POLG: variants seen among roughly 807,000 people sequenced by gnomAD.
POLG encodes the protein DNA polymerase gamma, catalytic subunit.
A neutral mutation model predicts 155.4 loss-of-function variants in POLG; 110 were observed. That is an observed-to-expected ratio of 0.71 (90% confidence interval 0.61 to 0.83). The LOEUF (loss-of-function observed/expected upper bound fraction) is 0.83. Among genes scored for constraint, POLG ranks in the 40% least tolerant of loss-of-function variants. The pLI is 0.00. For synonymous variants in POLG, 701 were observed against 631.5 expected, an observed-to-expected ratio of 1.11 and a Z score of -1.65; for missense variants, 1,685 against 1,627.5, an observed-to-expected ratio of 1.04 and a Z score of -0.61.
rs866223659 is a variant in POLG, at chr15:89,325,271, T to A, written c.1949+179A>T. On this transcript the variant is annotated intron_variant, in intron 10 of 22. Coordinates refer to ENST00000268124, the MANE Select transcript of POLG (RefSeq NM_002693.3). ...GTGAGAGAGAGAGTGAGTGAGTGAGTGAGAGAGAGAGAAAGAGAGAGAGAG... is the reference window on the plus strand; with the variant it reads ...GTGAGAGAGAGAGTGAGTGAGTGAGAGAGAGAGAGAGAAAGAGAGAGAGAG... Among the ~76,000 whole-genome samples the A allele has an allele frequency of 7.1e-4, 66 of 92,748 alleles. 13 individuals are homozygous for A. The highest frequency in any genetic ancestry group is 2.7e-3 in the Admixed American group (28 of 10,526). The allele number at this position is 92,748 out of a possible 152,430, so 60.8% of individuals were successfully genotyped here.
At chr15:89,332,880 A>T (rs2055612742) in intron 2 of POLG, among the ~76,000 whole-genome samples, 1 of 152,172 alleles carries the variant, frequency 6.6e-6, no homozygotes, top group Admixed American at 6.5e-5. Flanking sequence ...CGTGGCCTTT[A>T]CTGCCTGACA....
intron 10 of POLG, among the ~76,000 whole-genome samples, chr15:89,325,037 A>AGAGTGAGTGAGTGAGAGAGT (rs2055452833): frequency 2.8e-5 from 2 of 70,792 alleles, no homozygotes; most frequent in African/African-American, 1.1e-4. Context: ...CTGAACCCAG[A>AGAGTGAGTGAGTGAGAGAGT]GAGTGAGTGA....
chr15:89,329,659 C>G (rs1391198748), intron 3 of POLG, among the ~76,000 whole-genome samples: 4 of 152,192 alleles, frequency 2.6e-5, no homozygotes, highest in African/African-American at 9.6e-5. Context: ...GTTTGACATG[C>G]AGGCATTGTT....
intron 13 of POLG, among the ~76,000 whole-genome samples, chr15:89,323,181 G>A (rs533351532): frequency 1.8e-4 from 27 of 152,306 alleles, no homozygotes; most frequent in African/African-American, 5.1e-4. Flanking sequence ...AACATACGAC[G>A]TGCCCCATGT....
intron 21 of POLG, chr15:89,318,093 ATT>A (rs1223902346): frequency 5.1e-6 from 1 of 197,466 alleles, no homozygotes; most frequent in Non-Finnish European, 1.0e-5. Flanking sequence ...TAAAAATCAC[ATT>A]TGAGTGTCCC....
In POLG at chr15:89,318,596, C is replaced by G. The variant is rs765123635; in HGVS notation, c.3427G>C (p.Glu1143Gln). 35 of 1,614,008 alleles carry G rather than the reference C, an allele frequency of 2.2e-5. No homozygotes were observed. The highest frequency in any genetic ancestry group is 3.4e-6 in the Non-Finnish European group (4 of 1,180,018). Residue 1143 changes from glutamate to glutamine, a missense_variant, in exon 21 of 23, where the codon GAG becomes CAG. Glu to Gln is a conservative substitution (Grantham distance 29). Around this residue, in one of 3 missense-constraint regions of POLG, gnomAD observed 470 missense variants for 439.9 expected, o/e 1.07. Transcript: ENST00000268124. ...IHDEVRYLVR[E>Q]EDRYRAALAL... The stretch of plus-strand genomic sequence containing the variant: ...AGGGCAGCGCGGTAGCGGTCCTCCT[C>G]CCGCACCAGGTAGCGAACCTCGTCA...
intron 15 of POLG, 41 bp downstream of exon 15, chr15:89,321,921 C>T: frequency 6.2e-7 from 1 of 1,610,578 alleles, no homozygotes; most frequent in East Asian, 2.2e-5. Context: ...TACCACCTCA[C>T]CTCAGTTCTC....
intron 16 of POLG, 93 bp from the exon 17 acceptor site, chr15:89,321,353 G>T: frequency 6.9e-7 from 1 of 1,452,726 alleles, no homozygotes; most frequent in Non-Finnish European, 9.5e-7. Context: ...TTTCCTGAGG[G>T]GATGGCTTTA....
intron 10 of POLG, among the ~76,000 whole-genome samples, chr15:89,325,041 T>TG (rs1555453263): frequency 1.9e-5 from 1 of 51,960 alleles, no homozygotes; most frequent in Non-Finnish European, 4.1e-5. Context: ...ACCCAGAGAG[T>TG]GAGTGAGTGA....
At position 89,317,011 on chromosome 15, in the gene POLG, A is replaced by G. The variant is rs115758754; in HGVS notation, c.3644-184T>C. ...CTTTTTATATAAGTGTGTCTTAGAT[A>G]TATTTTAAATAGAAAATAAGCTTTC... On this transcript the variant is annotated intron_variant, in intron 22 of 22. Transcript: ENST00000268124. The G allele has an allele frequency of 5.0e-4, 306 of 616,676 alleles. No individual in the cohort carries two copies. In the African/African-American group the frequency reaches 5.1e-3, roughly 10 times the overall value. The allele number at this position is 616,676 out of a possible 1,614,324, so 38.2% of individuals were successfully genotyped here. A position where few individuals can be genotyped will look rare whatever the true frequency, so the allele number is the denominator to read the frequency against.
intron 22 of POLG, 56 bp downstream of exon 22, chr15:89,317,320 C>G: frequency 1.9e-6 from 3 of 1,577,266 alleles, no homozygotes; most frequent in Non-Finnish European, 1.7e-6. Context: ...CCAAGACCCA[C>G]TTTCTAGTCC....
intron 18 of POLG, among the ~76,000 whole-genome samples, chr15:89,320,448 T>G (rs572965703): frequency 2.0e-5 from 3 of 152,348 alleles, no homozygotes; most frequent in East Asian, 3.9e-4. Context: ...TCATTCCCTG[T>G]AGGCATCTGA....
chr15:89,329,806 C>G (rs574003280), intron 3 of POLG, among the ~76,000 whole-genome samples: 5 of 152,228 alleles, frequency 3.3e-5, no homozygotes, highest in East Asian at 3.9e-4. Flanking sequence ...GGCTGTGGCT[C>G]AAAACCTTCA....
intron 2 of POLG, 61 bp from the exon 3 acceptor site, chr15:89,330,337 A>C (rs2055578152): frequency 3.9e-6 from 5 of 1,282,310 alleles, no homozygotes; most frequent in Non-Finnish European, 5.5e-6. Flanking sequence ...ACTCCACAAC[A>C]ACCACTGCAC....
At chr15:89,334,429 G>C (rs1351975886) in intron 1 of POLG, 2 of 151,820 alleles carry the variant, frequency 1.3e-5, no homozygotes, top group Non-Finnish European at 2.9e-5. Context: ...CGCAGGGTGG[G>C]CCGCCGTCCC....
intron 9 of POLG, 53 bp downstream of exon 9, chr15:89,326,559 G>C: frequency 6.2e-7 from 1 of 1,601,734 alleles, no homozygotes; most frequent in Non-Finnish European, 8.5e-7. Context: ...GCTGTCCTGA[G>C]AATGGAGCAA....
rs1301056634 is a variant in POLG, at chr15:89,330,061, G to A, written c.855+20C>T. Reference sequence around the variant, plus strand: ...GGCCCATCCCATGCCAGAACCTGCAGTTGGCCCCAGGAACCTTACCTGGAT... The same window carrying A: ...GGCCCATCCCATGCCAGAACCTGCAATTGGCCCCAGGAACCTTACCTGGAT... On this transcript the variant is annotated intron_variant, in intron 3 of 22. Transcript: ENST00000268124. 1 of 1,607,540 alleles carries A rather than the reference G, an allele frequency of 6.2e-7. No individual in the cohort carries two copies. Among genetic ancestry groups the A allele is most frequent in the East Asian group, 2.2e-5 (1 of 44,876 alleles).
rs1003760367 is a variant in POLG, at chr15:89,318,401, T to A, written c.3482+140A>T. On this transcript the variant is annotated intron_variant, in intron 21 of 22. Transcript: ENST00000268124. The stretch of plus-strand genomic sequence containing the variant: ...TAGGACTTCTACAACTTTTTAAAAA[T>A]TAGAAATAAATAAATAAGCTGAAAC... The A allele has an allele frequency of 1.5e-5, 10 of 681,606 alleles. No individual in the cohort carries two copies. The Admixed American group carries it at 2.6e-4, about 17-fold the overall frequency. 42.2% of individuals were successfully genotyped at this position (681,606 alleles called of 1,614,324 possible). A position where few individuals can be genotyped will look rare whatever the true frequency, so the allele number is the denominator to read the frequency against.
Position 89,327,042 on chromosome 15 carries a change from G to A in POLG, c.1455C>T (p.Leu485=). ...CTTGCAGGTCCCACTCCAGGTCCCA[G>A]AGCCAGGGGTCTTCTTTGTACCTAC... ...SGERYKEDPW[L]WDLEWDLQEF... is the part of the protein sequence containing the mutation. Residue 485 remains leucine (L), a synonymous_variant, in exon 8 of 23, where the codon CTC becomes CTT. Transcript: ENST00000268124. The A allele has an allele frequency of 1.9e-6, 3 of 1,614,222 alleles. No homozygotes were observed. The highest frequency in any genetic ancestry group is 2.5e-6 in the Non-Finnish European group (3 of 1,180,048).
Sources: allele counts gnomAD v4.1 joint callset (sites outside exome capture counted in the v4.1 genomes callset), GRCh38; gene constraint gnomAD v4.1.1; regional missense constraint gnomAD v4.1.1; transcripts MANE v1.5; gene names NCBI Gene and HGNC (gene_info 2026-07-23, HGNC 2026-07-21).